The following CNKSR2 variants were observed in gnomAD, a reference collection of about 807,000 sequenced individuals.
CNKSR2 encodes the protein connector enhancer of kinase suppressor of Ras 2.
CNKSR2 carries 14 observed loss-of-function variants against 84.4 expected under a neutral mutation model. That is an observed-to-expected ratio of 0.17 (90% confidence interval 0.11 to 0.26). CNKSR2 has a LOEUF of 0.26. Ranked by LOEUF, CNKSR2 falls within the 10% of genes least tolerant of loss-of-function variation. CNKSR2 has a pLI of 1.00. For missense variants in CNKSR2, 485 were observed against 771.2 expected (o/e 0.63, Z 4.40); for synonymous variants, 275 against 277.9 (o/e 0.99, Z 0.10).
intron 4 of CNKSR2, among the ~76,000 whole-genome samples, chrX:21,465,465 G>T (rs1260251962): frequency 1.8e-5 from 2 of 111,355 alleles, no homozygotes; most frequent in Non-Finnish European, 3.8e-5. Flanking sequence ...GGCATGTAAA[G>T]ACATTTTGAT....
intron 21 of CNKSR2, among the ~76,000 whole-genome samples, chrX:21,650,677 T>A (rs1245741100): frequency 9.0e-6 from 1 of 111,714 alleles, no homozygotes; most frequent in Non-Finnish European, 1.9e-5. Context: ...CATAGCATGC[T>A]GCTGAGGTTT....
intron 2 of CNKSR2, among the ~76,000 whole-genome samples, chrX:21,430,541 A>T (rs949077961): frequency 9.0e-6 from 1 of 111,682 alleles, no homozygotes; most frequent in Non-Finnish European, 1.9e-5. Flanking sequence ...TCTCTAAGAG[A>T]TTACTATAAT....
chrX:21,457,041 T>A (rs995353140), intron 4 of CNKSR2, among the ~76,000 whole-genome samples: 1 of 111,789 alleles, frequency 8.9e-6, no homozygotes, highest in African/African-American at 3.2e-5. Flanking sequence ...TCAGGTCCTT[T>A]GCCCAGTTTT....
chrX:21,435,104 T>G (rs934533570), intron 3 of CNKSR2, among the ~76,000 whole-genome samples: 2 of 109,560 alleles, frequency 1.8e-5, no homozygotes, highest in African/African-American at 6.6e-5. Context: ...CATATAAACC[T>G]TTATTTACAT....
intron 13 of CNKSR2, among the ~76,000 whole-genome samples, chrX:21,583,809 C>G (rs1378513326): frequency 9.0e-6 from 1 of 111,431 alleles, no homozygotes; most frequent in African/African-American, 3.3e-5. Flanking sequence ...ACCCTGCCCC[C>G]ACACTTCTCC....
chrX:21,486,948 G>A (rs1364977543), intron 5 of CNKSR2, among the ~76,000 whole-genome samples: 3 of 111,711 alleles, frequency 2.7e-5, no homozygotes, highest in African/African-American at 9.8e-5. Context: ...GAATTAGCAT[G>A]TAAAGCAAGA....
intron 13 of CNKSR2, among the ~76,000 whole-genome samples, chrX:21,573,135 C>G (rs2092295428): frequency 8.9e-6 from 1 of 112,300 alleles, no homozygotes; most frequent in East Asian, 2.8e-4. Context: ...TCTTAAAGCT[C>G]CAGAATGATC....
At chrX:21,607,558 C>T (rs1360116537) in intron 19 of CNKSR2, among the ~76,000 whole-genome samples, 1 of 111,585 alleles carries the variant, frequency 9.0e-6, no homozygotes, top group Admixed American at 9.5e-5. Flanking sequence ...AATCCCAGCA[C>T]TTTGGGAGGC....
intron 17 of CNKSR2, 68 bp downstream of exon 17, chrX:21,595,463 T>G: frequency 1.6e-6 from 1 of 619,420 alleles, no homozygotes; most frequent in Non-Finnish European, 2.5e-6. Flanking sequence ...CAGTAATTCT[T>G]AGAGAATAAT....
At chrX:21,415,454 T>C (rs1450815298) in intron 1 of CNKSR2, among the ~76,000 whole-genome samples, 2 of 110,369 alleles carry the variant, frequency 1.8e-5, no homozygotes, top group African/African-American at 6.6e-5. Flanking sequence ...TTGTGGATTC[T>C]TTAGGTTTTT....
intron 17 of CNKSR2, among the ~76,000 whole-genome samples, chrX:21,595,722 C>CA (rs2092447832): frequency 9.0e-6 from 1 of 111,375 alleles, no homozygotes; most frequent in Non-Finnish European, 1.9e-5. Flanking sequence ...AGATGTCTAC[C>CA]AAAAAATCGG....
At chrX:21,529,019 A>G (rs1461182367) in intron 10 of CNKSR2, among the ~76,000 whole-genome samples, 2 of 110,971 alleles carry the variant, frequency 1.8e-5, no homozygotes, top group Non-Finnish European at 3.8e-5. Flanking sequence ...TGATGGACTT[A>G]GTTTAATTCC....
intron 5 of CNKSR2, among the ~76,000 whole-genome samples, chrX:21,486,349 A>C (rs757085542): frequency 9.0e-6 from 1 of 111,543 alleles, no homozygotes; most frequent in Non-Finnish European, 1.9e-5. Context: ...CCTGCCTTAT[A>C]TTTTGTTATA....
At chrX:21,459,842 T>G (rs147252090) in intron 4 of CNKSR2, among the ~76,000 whole-genome samples, 1 of 111,346 alleles carries the variant, frequency 9.0e-6, no homozygotes, top group Non-Finnish European at 1.9e-5. Context: ...CTCCTCACAT[T>G]GTCTTTTTCA....
chrX:21,383,997 G>A (rs2089935011), intron 1 of CNKSR2, among the ~76,000 whole-genome samples: 2 of 111,858 alleles, frequency 1.8e-5, no homozygotes, highest in South Asian at 7.4e-4. Context: ...TGTTTTTTAT[G>A]TGTATATAGG....
At chrX:21,552,193 C>T (rs1436277526) in intron 11 of CNKSR2, among the ~76,000 whole-genome samples, 2 of 110,808 alleles carry the variant, frequency 1.8e-5, no homozygotes, top group Non-Finnish European at 3.8e-5. Flanking sequence ...CTTAAGTAAT[C>T]CAGCGATTTC....
chrX:21,600,637 A>G lies in CNKSR2; in HGVS notation c.1977-645A>G, dbSNP rs112671425. On this transcript the variant is annotated intron_variant, in intron 17 of 21. Coordinates refer to ENST00000379510, the MANE Select transcript of CNKSR2 (RefSeq NM_014927.5). ...TACATTGGCAATAGCAGCACTACAG[A>G]AAGAGCAAAGAACTGAGATTTATTT... 6.2e-3 allele frequency among the ~76,000 whole-genome samples: 692 copies of G among 112,320 alleles called. 5 individuals are homozygous for G. Among genetic ancestry groups the G allele is most frequent in the African/African-American group, 0.021 (642 of 31,003 alleles).
chrX:21,632,723 A>T (rs1346644885), intron 20 of CNKSR2, among the ~76,000 whole-genome samples: 2 of 111,833 alleles, frequency 1.8e-5, no homozygotes, highest in African/African-American at 6.5e-5. Context: ...ACTAAATCCA[A>T]TATTAGTATC....
At position 21,426,305 on chromosome X, in the gene CNKSR2, A is replaced by G. The variant is rs1352502009; in HGVS notation, c.65-192A>G. ...AACTAGGTACCTAACAACTACGAGT[A>G]TGATGAAGTGATTTTCTTTTTCACT... On this transcript the variant is annotated intron_variant, in intron 1 of 21. Coordinates refer to ENST00000379510, the MANE Select transcript of CNKSR2 (RefSeq NM_014927.5). The G allele has an allele frequency of 1.2e-5, 5 of 400,219 alleles. No homozygotes were observed. In the South Asian group the frequency reaches 1.4e-4, roughly 11 times the overall value. 33.0% of individuals were successfully genotyped at this position (400,219 alleles called of 1,213,427 possible). A position where few individuals can be genotyped will look rare whatever the true frequency, so the allele number is the denominator to read the frequency against.
Sources: allele counts gnomAD v4.1 joint callset (sites outside exome capture counted in the v4.1 genomes callset), GRCh38; gene constraint gnomAD v4.1.1; transcripts MANE v1.5; gene names NCBI Gene and HGNC (gene_info 2026-07-23, HGNC 2026-07-21).